The following GSE1 variants were observed in gnomAD, a reference collection of about 807,000 sequenced individuals.
GSE1 encodes the protein Gse1 coiled-coil protein, also known as genetic suppressor element 1.
Under a neutral mutation model 112.6 loss-of-function variants are expected in GSE1, and 32 were observed. That is an observed-to-expected ratio of 0.28 (90% CI 0.21 to 0.38). The LOEUF (loss-of-function observed/expected upper bound fraction) is 0.38. Ranked by LOEUF, GSE1 falls within the 10% of genes least tolerant of loss-of-function variation. The pLI, the probability that GSE1 is intolerant of heterozygous loss-of-function variation, is 1.00. For synonymous variants in GSE1, 1,115 were observed against 735.6 expected (o/e 1.52, Z -8.35); for missense variants, 2,348 against 1,699.2 (o/e 1.38, Z -6.71).
intron 1 of GSE1, among the ~76,000 whole-genome samples, chr16:85,629,860 G>A (rs954260160): frequency 7.2e-5 from 11 of 152,208 alleles, no homozygotes; most frequent in African/African-American, 2.2e-4. Context: ...GATGCTGACC[G>A]TATCAGTTAT....
intron 1 of GSE1, among the ~76,000 whole-genome samples, chr16:85,264,083 G>A (rs1362770252): frequency 6.6e-6 from 1 of 152,114 alleles, no homozygotes; most frequent in African/African-American, 2.4e-5. Flanking sequence ...GCGGGGAATG[G>A]TATTCCAAGT....
intron 1 of GSE1, among the ~76,000 whole-genome samples, chr16:85,339,114 A>G (rs1188273984): frequency 6.6e-6 from 1 of 152,164 alleles, no homozygotes; most frequent in Admixed American, 6.5e-5. Context: ...GTCACCTGGA[A>G]GGGAGGGAGG....
At chr16:85,182,743 C>T (rs1035715577) in intron 1 of GSE1, among the ~76,000 whole-genome samples, 5 of 152,086 alleles carry the variant, frequency 3.3e-5, no homozygotes, top group Non-Finnish European at 2.9e-5. Flanking sequence ...AGCCAACAGG[C>T]GTGCTGGGAG....
At chr16:85,284,369 C>T (rs749550632) in intron 1 of GSE1, among the ~76,000 whole-genome samples, 6 of 152,168 alleles carry the variant, frequency 3.9e-5, no homozygotes, top group South Asian at 4.1e-4. Flanking sequence ...GGGCCGGGCG[C>T]GAGAGCCTCT....
At chr16:85,630,819 T>C (rs1335006017) in intron 1 of GSE1, among the ~76,000 whole-genome samples, 1 of 152,070 alleles carries the variant, frequency 6.6e-6, no homozygotes, top group East Asian at 1.9e-4. Context: ...GCTTAGGTCA[T>C]CTCCTGGTCT....
chr16:85,194,582 G>A (rs1457560628), intron 1 of GSE1, among the ~76,000 whole-genome samples: 1 of 152,178 alleles, frequency 6.6e-6, no homozygotes, highest in Non-Finnish European at 1.5e-5. Context: ...CCATGTGTGT[G>A]CCAGGAAGAC....
At chr16:85,297,350 A>G (rs1363704631) in intron 1 of GSE1, among the ~76,000 whole-genome samples, 1 of 150,220 alleles carries the variant, frequency 6.7e-6, no homozygotes, top group Non-Finnish European at 1.5e-5. Context: ...AACTCCAGAG[A>G]TAGGAACCTT....
At chr16:85,246,198 C>CACA (rs1800649081) in intron 1 of GSE1, among the ~76,000 whole-genome samples, 1 of 112,414 alleles carries the variant, frequency 8.9e-6, no homozygotes, top group Admixed American at 9.9e-5. Flanking sequence ...CTTCAGGGAC[C>CACA]CTACACACAC....
chr16:85,631,333 G>T (rs1393176042), intron 1 of GSE1, among the ~76,000 whole-genome samples: 1 of 152,246 alleles, frequency 6.6e-6, no homozygotes, highest in Non-Finnish European at 1.5e-5. Flanking sequence ...AAGAGCTCTG[G>T]TCTCCCCCAT....
rs558493863 is a variant in GSE1, at chr16:85,320,630, T to G, written c.2284-36833T>G. On this transcript the variant is annotated intron_variant, in intron 1 of 2. Coordinates refer to the GSE1 transcript ENST00000637419. ...CTTCTTACAGAAACACTTAATCCAG[T>G]GTGACCTCATCTTAACTAGTAACAT... Among the ~76,000 whole-genome samples the G allele has an allele frequency of 9.9e-5, 15 of 152,196 alleles. No homozygotes were observed. The East Asian group carries it at 2.9e-3, about 29-fold the overall frequency.
At chr16:85,245,979 T>C (rs2143969633) in intron 1 of GSE1, among the ~76,000 whole-genome samples, 1 of 148,408 alleles carries the variant, frequency 6.7e-6, no homozygotes, top group South Asian at 2.2e-4. Flanking sequence ...GGGGGCTGTC[T>C]GGGTGTGTTA....
At chr16:85,345,376 C>CA (rs1421197659) in intron 1 of GSE1, among the ~76,000 whole-genome samples, 1 of 152,188 alleles carries the variant, frequency 6.6e-6, no homozygotes, top group African/African-American at 2.4e-5. Context: ...GTGGTTTTGA[C>CA]AGAGACCATT....
At chr16:85,301,525 C>T (rs150859791) in intron 1 of GSE1, among the ~76,000 whole-genome samples, 1 of 152,354 alleles carries the variant, frequency 6.6e-6, no homozygotes, top group African/African-American at 2.4e-5. Context: ...GGCAAGCTGC[C>T]CTGCATGGGC....
chr16:85,655,672 C>A, intron 5 of GSE1, 54 bp from the exon 6 acceptor site: 1 of 1,247,472 alleles, frequency 8.0e-7, no homozygotes, highest in Non-Finnish European at 1.1e-6. Flanking sequence ...GTCGACAGGG[C>A]TGGGTCTTCC....
At chr16:85,338,867 G>A (rs775331050) in intron 1 of GSE1, among the ~76,000 whole-genome samples, 13 of 152,308 alleles carry the variant, frequency 8.5e-5, no homozygotes, top group Non-Finnish European at 1.6e-4. Context: ...TGCTGCTGCC[G>A]GTGGCGTTAC....
At chr16:85,368,348 GC>G (rs2047228759) in intron 2 of GSE1, among the ~76,000 whole-genome samples, 1 of 152,152 alleles carries the variant, frequency 6.6e-6, no homozygotes, top group South Asian at 2.1e-4. Flanking sequence ...TCGGAGGAGA[GC>G]CTTGGCTCTC....
chr16:85,298,215 G>C (rs1357205162), intron 1 of GSE1, among the ~76,000 whole-genome samples: 1 of 152,156 alleles, frequency 6.6e-6, no homozygotes, highest in African/African-American at 2.4e-5. Context: ...CAATGCTGCT[G>C]TTGGTGCAGG....
chr16:85,469,364 G>A (rs1204786701), intron 2 of GSE1, among the ~76,000 whole-genome samples: 1 of 152,194 alleles, frequency 6.6e-6, no homozygotes, highest in Admixed American at 6.5e-5. Flanking sequence ...GGCAGAGATG[G>A]GAGTGGTGTG....
intron 1 of GSE1, among the ~76,000 whole-genome samples, chr16:85,240,810 G>T (rs1050707550): frequency 1.4e-4 from 22 of 152,214 alleles, no homozygotes; most frequent in African/African-American, 5.3e-4. Context: ...AGAGGCTGGT[G>T]CTGGGTTGGG....
Sources: allele counts gnomAD v4.1 joint callset (sites outside exome capture counted in the v4.1 genomes callset), GRCh38; gene constraint gnomAD v4.1.1; transcripts MANE v1.5; gene names NCBI Gene and HGNC (gene_info 2026-07-23, HGNC 2026-07-21).